SRPX: variants seen among roughly 807,000 people sequenced by gnomAD.
The protein encoded by SRPX is sushi repeat-containing protein SRPX.
Under a neutral mutation model 38.1 loss-of-function variants are expected in SRPX, and 24 were observed. That is an observed-to-expected ratio of 0.63 (90% CI 0.46 to 0.89). The LOEUF (loss-of-function observed/expected upper bound fraction) is 0.89. SRPX is among the 40% of genes least tolerant of loss of function. SRPX has a pLI of 0.00. For missense variants in SRPX, 416 were observed against 377.8 expected (o/e 1.10, Z -0.84); for synonymous variants, 184 against 153.8 (o/e 1.20, Z -1.45).
At chrX:38,181,252 G>A (rs1938667273) in intron 1 of SRPX, among the ~76,000 whole-genome samples, 1 of 112,375 alleles carries the variant, frequency 8.9e-6, no homozygotes, top group East Asian at 2.8e-4. Flanking sequence ...GGGGCAAAGA[G>A]AGAATGCACA....
rs1309073287 is a variant in SRPX at position 38,160,198 on chromosome X, TGTAG to T, written c.776-6_776-3del. 1.7e-6 allele frequency: 2 copies of T among 1,210,578 alleles called. No homozygotes were observed. The highest frequency in any genetic ancestry group is 2.2e-6 in the Non-Finnish European group (2 of 894,630). On this transcript the variant is annotated splice_region_variant and splice_polypyrimidine_tract_variant and intron_variant, in intron 6 of 9. Transcript: ENST00000378533. ...CATTGAGTTTGCCACAGCGTTTGAC[TGTAG>T]GGACACAAGTCCAGAGGGGTCTCAG...
chrX:38,199,742 T>C (rs1157317806), intron 1 of SRPX, among the ~76,000 whole-genome samples: 2 of 91,677 alleles, frequency 2.2e-5, no homozygotes, highest in African/African-American at 7.3e-5. Context: ...AATAACAGAG[T>C]GGCTGGAAAA....
At chrX:38,174,731 C>A (rs1938539187) in intron 2 of SRPX, among the ~76,000 whole-genome samples, 1 of 112,058 alleles carries the variant, frequency 8.9e-6, no homozygotes, top group South Asian at 3.8e-4. Flanking sequence ...TTTCCCTTAA[C>A]TAGATACATA....
intron 1 of SRPX, among the ~76,000 whole-genome samples, chrX:38,203,059 A>T (rs1363807742): frequency 8.9e-6 from 1 of 112,056 alleles, no homozygotes; most frequent in Non-Finnish European, 1.9e-5. Context: ...AACACTACAT[A>T]AAAAGAATAA....
At chrX:38,216,708 AC>A (rs1939427157) in intron 1 of SRPX, among the ~76,000 whole-genome samples, 1 of 112,159 alleles carries the variant, frequency 8.9e-6, no homozygotes, top group African/African-American at 3.2e-5. Flanking sequence ...GCAAAACTAA[AC>A]CTTCTTCTGT....
chrX:38,178,772 C>T (rs1320824696), intron 1 of SRPX, among the ~76,000 whole-genome samples: 1 of 110,629 alleles, frequency 9.0e-6, no homozygotes, highest in African/African-American at 3.3e-5. Flanking sequence ...AAAACAGGTC[C>T]ATCTTGTGAA....
intron 5 of SRPX, among the ~76,000 whole-genome samples, chrX:38,162,304 T>C (rs192111314): frequency 3.1e-4 from 35 of 111,261 alleles, no homozygotes; most frequent in African/African-American, 1.1e-3. Context: ...GGATAGGAAA[T>C]GGTGGAAGGG....
chrX:38,196,559 G>T, intron 1 of SRPX, among the ~76,000 whole-genome samples: 1 of 112,235 alleles, frequency 8.9e-6, no homozygotes, highest in Non-Finnish European at 1.9e-5. Context: ...CATTCTACCA[G>T]TGAAGGAAGA....
At chrX:38,150,109 C>T (rs1569201566) in intron 9 of SRPX, among the ~76,000 whole-genome samples, 2 of 111,525 alleles carry the variant, frequency 1.8e-5, no homozygotes, top group Non-Finnish European at 3.8e-5. Context: ...CATGCCCAAC[C>T]CCAAACCTAC....
intron 2 of SRPX, 67 bp downstream of exon 2, chrX:38,178,218 A>G: frequency 1.1e-6 from 1 of 912,762 alleles, no homozygotes; most frequent in African/African-American, 1.9e-5. Flanking sequence ...AATCTGTTTC[A>G]CAAGGCAAAA....
In SRPX at chrX:38,172,065, T is replaced by C; in HGVS notation, c.350-8A>G. 1.7e-6 allele frequency: 2 copies of C among 1,205,513 alleles called. No individual in the cohort carries two copies. The highest frequency in any genetic ancestry group is 1.1e-6 in the Non-Finnish European group (1 of 890,929). ...GGGTAGGACATCGCTTTTCTGAAAA[T>C]GAGAAAATCAGATATTCAGCATTTC... On this transcript the variant is annotated splice_polypyrimidine_tract_variant and splice_region_variant and intron_variant, in intron 3 of 9. Transcript: ENST00000378533.
chrX:38,195,863 G>A (rs1197623414), intron 1 of SRPX, among the ~76,000 whole-genome samples: 1 of 111,705 alleles, frequency 9.0e-6, no homozygotes, highest in Non-Finnish European at 1.9e-5. Flanking sequence ...CAAGAGTAAC[G>A]AGATCCCAGC....
intron 4 of SRPX, among the ~76,000 whole-genome samples, chrX:38,167,494 C>T (rs769518610): frequency 5.4e-5 from 6 of 111,060 alleles, no homozygotes; most frequent in African/African-American, 1.6e-4. Flanking sequence ...GACTTGGCCC[C>T]GATAGCATTT....
intron 1 of SRPX, among the ~76,000 whole-genome samples, chrX:38,200,813 A>G (rs987149804): frequency 8.9e-6 from 1 of 112,001 alleles, no homozygotes; most frequent in Non-Finnish European, 1.9e-5. Flanking sequence ...AAATCTCAAC[A>G]TGACTTTTGG....
chrX:38,220,752 A>G lies in SRPX; in HGVS notation c.41T>C (p.Leu14Pro), dbSNP rs1398363409. The G allele has an allele frequency of 7.2e-6, 7 of 977,231 alleles. No homozygotes were observed. Among genetic ancestry groups the G allele is most frequent in the Admixed American group, 2.9e-5 (1 of 34,041 alleles). The allele number at this position is 977,231 out of a possible 1,213,427, so 80.5% of individuals were successfully genotyped here. ...CAGCAGCAGCAGCAGCAGAGGCGGC[A>G]GCAGCAGCAGCAGCGCGGGCCGATG... ...PAHRPALLLL[L>P]PPLLLLLLLR... The change falls in exon 1 of 10, where the codon CTG becomes CCG. Residue 14 changes from leucine to proline, a missense_variant. Transcript: ENST00000378533.
chrX:38,186,146 T>C (rs902796083), intron 1 of SRPX, among the ~76,000 whole-genome samples: 3 of 111,925 alleles, frequency 2.7e-5, no homozygotes, highest in Non-Finnish European at 5.6e-5. Context: ...GTGGTGTCCA[T>C]CTTGAATACT....
rs184124093 is a variant in SRPX, at chrX:38,182,987, T to C, written c.98-4643A>G. Among the ~76,000 whole-genome samples the C allele has an allele frequency of 3.8e-4, 43 of 111,888 alleles. No individual in the cohort carries two copies. The Admixed American group carries it at 4.1e-3, about 11-fold the overall frequency. ...AGCCACTGTGAATAGCACTGTTTGT[T>C]ACATGCAACTGTATGCATATAAACT... On this transcript the variant is annotated intron_variant, in intron 1 of 9. Coordinates refer to ENST00000378533, the MANE Select transcript of SRPX (RefSeq NM_006307.5).
intron 8 of SRPX, 142 bp downstream of exon 8, chrX:38,156,754 T>C: frequency 1.5e-6 from 1 of 660,381 alleles, no homozygotes. Context: ...CAGAAATGAA[T>C]GGTGGTAGCT....
At chrX:38,207,826 C>A (rs1939241280) in intron 1 of SRPX, among the ~76,000 whole-genome samples, 1 of 112,242 alleles carries the variant, frequency 8.9e-6, no homozygotes, top group Admixed American at 9.4e-5. Flanking sequence ...AATCAAGAAC[C>A]CATCCATCCA....
Sources: allele counts gnomAD v4.1 joint callset (sites outside exome capture counted in the v4.1 genomes callset), GRCh38; gene constraint gnomAD v4.1.1; transcripts MANE v1.5; gene names NCBI Gene and HGNC (gene_info 2026-07-23, HGNC 2026-07-21).